Variants in TFEC observed in about 807,000 individuals in gnomAD.
The protein encoded by TFEC is transcription factor EC, also known as class E basic helix-loop-helix protein 34.
In TFEC, 31 loss-of-function variants were observed where a neutral mutation model predicts 41.6. The observed-to-expected ratio is 0.74, with a 90% CI of 0.56 to 1.01. The LOEUF (loss-of-function observed/expected upper bound fraction) is 1.01, where lower values mean the gene tolerates loss of function less well. Ranked by LOEUF, TFEC falls within the 50% of genes least tolerant of loss-of-function variation. TFEC has a pLI of 0.00. For missense variants in TFEC, 402 were observed against 404.1 expected (o/e 0.99, Z 0.04); for synonymous variants, 143 against 140.6 (o/e 1.02, Z -0.12).
intron 1 of TFEC, among the ~76,000 whole-genome samples, chr7:116,123,854 T>C (rs1011923235): frequency 5.3e-5 from 8 of 152,176 alleles, no homozygotes; most frequent in African/African-American, 1.9e-4. Flanking sequence ...ATAAGTATTA[T>C]GTCTGCAAAG....
chr7:115,941,937 T>C lies in TFEC; in HGVS notation c.619A>G (p.Lys207Glu), dbSNP rs745486067. 22 of 1,613,184 alleles carry C rather than the reference T, an allele frequency of 1.4e-5. No individual in the cohort carries two copies. The highest frequency in any genetic ancestry group is 1.7e-5 in the Non-Finnish European group (20 of 1,179,506). Residue 207 changes from lysine to glutamate, a missense_variant, in exon 7 of 8, where the codon AAG becomes GAG. Coordinates refer to ENST00000265440, the MANE Select transcript of TFEC (RefSeq NM_012252.4). Reference protein sequence around the residue: ...QRARELEHRQKKLEQANRRLL... With the variant: ...QRARELEHRQEKLEQANRRLL... Reference sequence around the variant, plus strand: ...CGCCTGTTAGCCTGCTCTAATTTCTTCTGTCTGTGTTCCAATTCTCGGGCT... The same window carrying C: ...CGCCTGTTAGCCTGCTCTAATTTCTCCTGTCTGTGTTCCAATTCTCGGGCT...
chr7:116,024,769 T>A (rs762411657), intron 1 of TFEC, among the ~76,000 whole-genome samples: 1 of 152,154 alleles, frequency 6.6e-6, no homozygotes, highest in African/African-American at 2.4e-5. Flanking sequence ...AGCTTATCCA[T>A]TTATTTTATA....
At chr7:116,021,120 G>C (rs1360074572) in intron 1 of TFEC, among the ~76,000 whole-genome samples, 1 of 152,102 alleles carries the variant, frequency 6.6e-6, no homozygotes. Context: ...AGGAACATAA[G>C]AATTGATATA....
At chr7:115,982,765 C>G (rs1477878647) in intron 2 of TFEC, among the ~76,000 whole-genome samples, 1 of 152,042 alleles carries the variant, frequency 6.6e-6, no homozygotes, top group Non-Finnish European at 1.5e-5. Context: ...TGAGAGCACC[C>G]AAAGACCACT....
chr7:115,941,403 T>G lies in TFEC; in HGVS notation c.664-472A>C, dbSNP rs1164230311. ...ATTATATGAACAGATGAGAAGTGACTTAATATACACTGTCACAACATGCCT... is the reference window on the plus strand; with the variant it reads ...ATTATATGAACAGATGAGAAGTGACGTAATATACACTGTCACAACATGCCT... On this transcript the variant is annotated intron_variant, in intron 7 of 7. Coordinates refer to ENST00000265440, the MANE Select transcript of TFEC (RefSeq NM_012252.4). 3 of 163,992 alleles carry G rather than the reference T, an allele frequency of 1.8e-5. No homozygotes were observed. In the Admixed American group the frequency reaches 1.9e-4, roughly 10 times the overall value. The allele number at this position is 163,992 out of a possible 1,614,324, so 10.2% of individuals were successfully genotyped here.
intron 1 of TFEC, among the ~76,000 whole-genome samples, chr7:116,129,041 A>G (rs1798274550): frequency 6.6e-6 from 1 of 152,212 alleles, no homozygotes; most frequent in Non-Finnish European, 1.5e-5. Context: ...CCAGACATGT[A>G]CTGTTTTCAG....
At chr7:115,985,021 G>GA (rs79476918) in intron 1 of TFEC, among the ~76,000 whole-genome samples, 17,666 of 152,012 alleles carry the variant, frequency 0.12, 1,463 homozygotes, top group East Asian at 0.38. Context: ...TATGGGTAGT[G>GA]AAAATCTAGA....
At chr7:116,007,229 GA>G (rs981567705) in intron 1 of TFEC, among the ~76,000 whole-genome samples, 1 of 152,010 alleles carries the variant, frequency 6.6e-6, no homozygotes, top group Non-Finnish European at 1.5e-5. Flanking sequence ...CTAGGCCATA[GA>G]AAAAAGTCAG....
intron 1 of TFEC, among the ~76,000 whole-genome samples, chr7:116,003,895 A>G (rs1794692583): frequency 6.6e-6 from 1 of 152,210 alleles, no homozygotes; most frequent in South Asian, 2.1e-4. Context: ...CACAAGTGAA[A>G]GAAGAAATCT....
intron 1 of TFEC, among the ~76,000 whole-genome samples, chr7:115,990,518 C>T (rs540949833): frequency 6.6e-6 from 1 of 152,156 alleles, no homozygotes; most frequent in African/African-American, 2.4e-5. Context: ...CTAGAATGAA[C>T]AGCATAGAGA....
At chr7:116,005,229 G>A (rs568141387) in intron 1 of TFEC, among the ~76,000 whole-genome samples, 13 of 152,336 alleles carry the variant, frequency 8.5e-5, no homozygotes, top group Non-Finnish European at 1.2e-4. Flanking sequence ...ATGTGGAAGC[G>A]ACTTTGGAAC....
At chr7:115,978,002 C>T (rs888245857) in intron 2 of TFEC, among the ~76,000 whole-genome samples, 5 of 151,784 alleles carry the variant, frequency 3.3e-5, no homozygotes, top group Non-Finnish European at 5.9e-5. Context: ...GGCAAAGAAA[C>T]GGAAAGCATA....
At chr7:115,977,876 A>G (rs1168270193) in intron 2 of TFEC, among the ~76,000 whole-genome samples, 1 of 146,334 alleles carries the variant, frequency 6.8e-6, no homozygotes, top group African/African-American at 2.6e-5. Flanking sequence ...TATGTCATAT[A>G]TAATGTTAAA....
chr7:115,965,420 G>C (rs1164480254), intron 3 of TFEC, among the ~76,000 whole-genome samples: 1 of 151,640 alleles, frequency 6.6e-6, no homozygotes, highest in Non-Finnish European at 1.5e-5. Context: ...CCTCTAAATG[G>C]AATGCTTGTG....
Position 116,049,446 on chromosome 7 carries a change from T to C in TFEC, c.198+61262A>G, listed in dbSNP as rs528203761. Among the ~76,000 whole-genome samples the C allele has an allele frequency of 5.9e-5, 9 of 152,298 alleles. 1 individual carries two copies. The South Asian group carries it at 1.9e-3, about 32-fold the overall frequency. ...AAGAGCTAACTATACTAAATATATA[T>C]GCACCCAATACAAGAGCACCCAGAT... is the stretch of plus-strand genomic sequence containing the variant. On this transcript the variant is annotated intron_variant, in intron 3 of 8. Transcript: ENST00000484212.
intron 3 of TFEC, among the ~76,000 whole-genome samples, chr7:116,095,643 TG>T (rs1797434921): frequency 6.6e-6 from 1 of 152,220 alleles, no homozygotes; most frequent in Admixed American, 6.5e-5. Context: ...ATTAATATGT[TG>T]TAATCTGGCT....
chr7:116,152,768 T>C (rs1798787309), intron 1 of TFEC, among the ~76,000 whole-genome samples: 1 of 152,058 alleles, frequency 6.6e-6, no homozygotes, highest in Non-Finnish European at 1.5e-5. Context: ...CTTAATTGCA[T>C]CCTAGAGCAA....
At chr7:116,009,488 T>C (rs999594540) in intron 1 of TFEC, among the ~76,000 whole-genome samples, 4 of 152,162 alleles carry the variant, frequency 2.6e-5, no homozygotes, top group African/African-American at 9.6e-5. Flanking sequence ...GTCTACTACA[T>C]ATCATGTTTC....
At chr7:116,007,446 G>A (rs1426505792) in intron 1 of TFEC, among the ~76,000 whole-genome samples, 1 of 152,168 alleles carries the variant, frequency 6.6e-6, no homozygotes, top group East Asian at 1.9e-4. Context: ...CCTGGTAGTG[G>A]GGAGAGTTGT....
Sources: allele counts gnomAD v4.1 joint callset (sites outside exome capture counted in the v4.1 genomes callset), GRCh38; gene constraint gnomAD v4.1.1; transcripts MANE v1.5; gene names NCBI Gene and HGNC (gene_info 2026-07-23, HGNC 2026-07-21).